The following ESPL1 variants were observed in gnomAD, a reference collection of about 807,000 sequenced individuals.
ESPL1 encodes separin.
ESPL1 carries 50 observed loss-of-function variants against 217.2 expected under a neutral mutation model. The observed-to-expected ratio is 0.23, with a 90% CI of 0.18 to 0.29. The LOEUF (loss-of-function observed/expected upper bound fraction) is 0.29, where lower values mean the gene tolerates loss of function less well. Among genes scored for constraint, ESPL1 ranks in the 10% least tolerant of loss-of-function variants. The pLI, the probability that ESPL1 is intolerant of heterozygous loss-of-function variation, is 1.00. For synonymous variants in ESPL1, 994 were observed against 1,081.3 expected, an observed-to-expected ratio of 0.92 and a Z score of 1.58; for missense variants, 1,834 against 2,603.0, an observed-to-expected ratio of 0.70 and a Z score of 6.43.
Position 53,293,179 on chromosome 12 carries a change from C to T in ESPL1, c.6162-94C>T. ...CAAAGGAGTTTCTCATTGGTTCAATCCTCTCCACTCACCCACCCCCACCAC... is the reference window on the plus strand; with the variant it reads ...CAAAGGAGTTTCTCATTGGTTCAATTCTCTCCACTCACCCACCCCCACCAC... On this transcript the variant is annotated intron_variant, in intron 30 of 30. Coordinates refer to ENST00000257934, the MANE Select transcript of ESPL1 (RefSeq NM_012291.5). This position sits in a 1 kb window ranked among gnomAD's most constrained non-coding sequence, Gnocchi z 4.2. 8.7e-7 allele frequency: 1 copy of T among 1,151,314 alleles called. No individual in the cohort carries two copies. The highest frequency in any genetic ancestry group is 1.3e-6 in the Non-Finnish European group (1 of 774,050). 71.3% of individuals were successfully genotyped at this position (1,151,314 alleles called of 1,614,324 possible).
At chr12:53,290,543 C>T (rs900956621) in intron 24 of ESPL1, 74 bp downstream of exon 24, 18 of 1,546,748 alleles carry the variant, frequency 1.2e-5, no homozygotes, top group East Asian at 9.1e-5. Flanking sequence ...CTCTACCAGA[C>T]GGCCTGGGTC....
At position 53,268,615 on chromosome 12, in the gene ESPL1, G is replaced by A. The variant is rs1592473126; in HGVS notation, c.-12-140G>A. 1.6e-5 allele frequency: 10 copies of A among 607,374 alleles called. No homozygotes were observed. In the South Asian group the frequency reaches 2.0e-4, roughly 12 times the overall value. 37.6% of individuals were successfully genotyped at this position (607,374 alleles called of 1,614,324 possible). A position where few individuals can be genotyped will look rare whatever the true frequency, so the allele number is the denominator to read the frequency against. On this transcript the variant is annotated intron_variant, in intron 1 of 30. Transcript: ENST00000257934. ...GCGGAATCGTCCTTTTATAACGGGA[G>A]CACGGCGTCCTGGCGTGGGTTTTCT...
chr12:53,279,976 C>T, intron 12 of ESPL1, 110 bp downstream of exon 12: 2 of 1,255,834 alleles, frequency 1.6e-6, no homozygotes, highest in Non-Finnish European at 2.2e-6. Flanking sequence ...CTTTTACCAC[C>T]ACAACTGGCT....
At chr12:53,268,405 G>A in intron 1 of ESPL1, 28 bp downstream of exon 1, 1 of 252,754 alleles carries the variant, frequency 4.0e-6, no homozygotes, top group Non-Finnish European at 7.7e-6. Flanking sequence ...TCGTGAGCGT[G>A]GGTACGTGCT....
At chr12:53,278,655 A>G (rs1209468111) in intron 11 of ESPL1, among the ~76,000 whole-genome samples, 2 of 145,854 alleles carry the variant, frequency 1.4e-5, no homozygotes, top group African/African-American at 5.1e-5. Context: ...GCAGTGGCGC[A>G]ATCTGGGCTC....
At chr12:53,290,045 T>C (rs950590294) in intron 22 of ESPL1, 40 bp from the exon 23 acceptor site, 2 of 1,598,392 alleles carry the variant, frequency 1.3e-6, no homozygotes, top group African/African-American at 2.7e-5. Context: ...AGGGAATTCC[T>C]TTAACAGCTG....
At chr12:53,277,679 A>C in intron 10 of ESPL1, 71 bp downstream of exon 10, 1 of 1,587,430 alleles carries the variant, frequency 6.3e-7, no homozygotes. Flanking sequence ...ACCCCTGGTG[A>C]GGGAAACCCT....
Position 53,272,804 on chromosome 12 carries a change from C to G in ESPL1, c.1453C>G (p.Gln485Glu), listed in dbSNP as rs781510535. Residue 485 changes from glutamine to glutamate, a missense_variant, in exon 6 of 31, where the codon CAG becomes GAG. This residue lies in a region of ESPL1 where 746 missense variants were observed against 1,077.0 expected (regional missense o/e 0.69). Transcript: ENST00000257934. ...EACAISEPLC[Q>E]HLGLVKPGTY... is the part of the protein sequence containing the mutation. ...CTGTGCCATCTCTGAGCCGCTCTGT[C>G]AGCACCTGGGTTTGGTGAAGCCAGG... is the stretch of plus-strand genomic sequence containing the variant. 2.5e-6 allele frequency: 4 copies of G among 1,614,144 alleles called. No individual in the cohort carries two copies. Among genetic ancestry groups the G allele is most frequent in the East Asian group, 4.5e-5 (2 of 44,866 alleles).
chr12:53,288,054 C>G lies in ESPL1; in HGVS notation c.4259C>G (p.Thr1420Ser). ...GCAGAGGAGCCTAAGAGACGGGGCA[C>G]TGCTTCCCGGGGCCGGGGGCGAGCA... ...WLAEEPKRRGTASRGRGRARK... is the reference protein window; with the variant it reads ...WLAEEPKRRGSASRGRGRARK... Residue 1420 changes from threonine to serine, a missense_variant, in exon 19 of 31, where the codon ACT becomes AGT. Physicochemically the swap from Thr to Ser is moderately conservative, Grantham distance 58. Coordinates refer to ENST00000257934, the MANE Select transcript of ESPL1 (RefSeq NM_012291.5). 6.2e-7 allele frequency: 1 copy of G among 1,613,670 alleles called. No homozygotes were observed. The highest frequency in any genetic ancestry group is 8.5e-7 in the Non-Finnish European group (1 of 1,180,040).
rs1374429412 is a variant in ESPL1, at chr12:53,282,410, C to T, written c.2766C>T (p.Ser922=). The T allele has an allele frequency of 1.2e-6, 2 of 1,614,112 alleles. No homozygotes were observed. Among genetic ancestry groups the T allele is most frequent in the Non-Finnish European group, 1.7e-6 (2 of 1,179,982 alleles). The part of the protein sequence containing the change: ...LSLPSNNLSH[S]LWEQLCAQGW... ...TCCCGTCAAACAACCTCTCACACTC[C>T]CTGTGGGAGCAGCTCTGTGCCCAAG... Residue 922 remains serine, a synonymous_variant, in exon 14 of 31, where the codon TCC becomes TCT. Transcript: ENST00000257934. This position sits in a 1 kb window ranked among gnomAD's most constrained non-coding sequence, Gnocchi z 4.0.
At chr12:53,279,036 C>T (rs1384131180) in intron 11 of ESPL1, among the ~76,000 whole-genome samples, 1 of 152,156 alleles carries the variant, frequency 6.6e-6, no homozygotes, top group Non-Finnish European at 1.5e-5. Flanking sequence ...GGACTACAGG[C>T]GCATACCACC....
At chr12:53,277,757 G>A (rs918787305) in intron 10 of ESPL1, 64 bp from the exon 11 acceptor site, 8 of 1,594,498 alleles carry the variant, frequency 5.0e-6, no homozygotes, top group South Asian at 2.3e-5. Context: ...ATGTTATGGA[G>A]GAAGGGAAGT....
chr12:53,277,774 C>CA, intron 10 of ESPL1, 47 bp from the exon 11 acceptor site: 1 of 1,604,598 alleles, frequency 6.2e-7, no homozygotes. Flanking sequence ...AAGTTCTCTC[C>CA]AGATGGCCCA....
Position 53,270,421 on chromosome 12 carries a change from T to G in ESPL1, c.1187T>G (p.Met396Arg), listed in dbSNP as rs1408440002. The G allele has an allele frequency of 1.2e-6, 2 of 1,614,084 alleles. No homozygotes were observed. The highest frequency in any genetic ancestry group is 2.2e-5 in the East Asian group (1 of 44,884). ...SSKQQQSFLQ[M>R]YFQGLHLYTV... is the part of the protein sequence containing the mutation. ...AAGCAACAGCAGTCTTTTCTTCAGA[T>G]GTACTTTCAGGGACTTCACCTCTAC... is the stretch of plus-strand genomic sequence containing the variant. The change falls in exon 4 of 31, where the codon ATG becomes AGG. Residue 396 changes from methionine (M) to arginine (R), a missense_variant. By Grantham distance (91) the Met-to-Arg change is moderately conservative. Around this residue, in one of 5 missense-constraint regions of ESPL1, gnomAD observed 746 missense variants for 1,077.0 expected, o/e 0.69. Transcript: ENST00000257934.
chr12:53,272,132 C>T (rs1027792976), intron 5 of ESPL1, among the ~76,000 whole-genome samples: 2 of 152,050 alleles, frequency 1.3e-5, no homozygotes, highest in Non-Finnish European at 2.9e-5. Context: ...GTGTGCAACG[C>T]ACTATTTGGA....
intron 9 of ESPL1, 64 bp from the exon 10 acceptor site, chr12:53,277,406 G>A: frequency 5.1e-6 from 8 of 1,562,048 alleles, no homozygotes; most frequent in Admixed American, 1.8e-5. Context: ...TCAGCCTGCC[G>A]AGTAGCCAGG....
At position 53,281,539 on chromosome 12, in the gene ESPL1, G is replaced by C; in HGVS notation, c.2532G>C (p.Lys844Asn). The change falls in exon 13 of 31, where the codon AAG (lysine) becomes AAC (asparagine). Residue 844 changes from lysine to asparagine, a missense_variant. Transcript: ENST00000257934. ...TGGAAGAGGCAGCATCGAGCCTGAA[G>C]CATCTCGATCAGACTACTGACACAT... ...LHLEEAASSL[K>N]HLDQTTDTYL... 1 of 1,613,714 alleles carries C rather than the reference G, an allele frequency of 6.2e-7. No individual in the cohort carries two copies. The highest frequency in any genetic ancestry group is 1.3e-5 in the African/African-American group (1 of 75,014).
chr12:53,269,348 G>C lies in ESPL1; in HGVS notation c.406G>C (p.Ala136Pro), dbSNP rs762028781. The change falls in exon 3 of 31, where the codon GCT becomes CCT. Residue 136 changes from alanine to proline, a missense_variant. By Grantham distance (27) the Ala-to-Pro change is conservative (BLOSUM62 -1). Around this residue, in one of 5 missense-constraint regions of ESPL1, gnomAD observed 746 missense variants for 1,077.0 expected, o/e 0.69. Coordinates refer to ENST00000257934, the MANE Select transcript of ESPL1 (RefSeq NM_012291.5). This position sits in a 1 kb window ranked among gnomAD's most constrained non-coding sequence, Gnocchi z 6.7. ...CTTGGTGCAGTGCTCTCGCGAGGCTGCTCCCCAGGACTATGAGGCCGTGGC... is the reference window on the plus strand; with the variant it reads ...CTTGGTGCAGTGCTCTCGCGAGGCTCCTCCCCAGGACTATGAGGCCGTGGC... The part of the protein sequence containing the change: ...ACLVQCSREA[A>P]PQDYEAVARG... The C allele has an allele frequency of 6.2e-7, 1 of 1,614,036 alleles. No homozygotes were observed. The highest frequency in any genetic ancestry group is 1.3e-5 in the African/African-American group (1 of 75,060).
At position 53,284,071 on chromosome 12, in the gene ESPL1, C is replaced by G. The variant is rs1943906608; in HGVS notation, c.3091C>G (p.Leu1031Val). ...TCTCTCAACAAGGTGTGCCCTGTTCCTGGTGCTGAAGGGCGAGCTGGAGCT... is the reference window on the plus strand; with the variant it reads ...TCTCTCAACAAGGTGTGCCCTGTTCGTGGTGCTGAAGGGCGAGCTGGAGCT... ...LQIPRQCALF[L>V]VLKGELELAR... The change falls in exon 17 of 31, where the codon CTG (leucine) becomes GTG (valine). Residue 1031 changes from leucine (L) to valine (V), a missense_variant. Transcript: ENST00000257934. 6.2e-7 allele frequency: 1 copy of G among 1,612,950 alleles called. No individual in the cohort carries two copies. The highest frequency in any genetic ancestry group is 8.5e-7 in the Non-Finnish European group (1 of 1,179,090).
Sources: gnomAD v4.1 joint callset for allele counts (sites outside exome capture counted in the v4.1 genomes callset) on GRCh38, gnomAD v4.1.1 for gene constraint, gnomAD v4.1.1 regional missense constraint, Gnocchi (gnomAD v3.1) non-coding constraint, MANE v1.5 for transcripts, NCBI Gene and HGNC (gene_info 2026-07-23, HGNC 2026-07-21) for gene names.